The following CLTCL1 variants were observed in gnomAD, a reference collection of about 807,000 sequenced individuals.
The protein encoded by CLTCL1 is clathrin heavy chain like 1, also known as clathrin heavy chain 2.
CLTCL1 carries 159 observed loss-of-function variants against 190.0 expected under a neutral mutation model. The ratio of observed to expected loss-of-function variants is 0.84; its 90% CI spans 0.74 to 0.95. The LOEUF is 0.95. Among genes scored for constraint, CLTCL1 ranks in the 40% least tolerant of loss-of-function variants. CLTCL1 has a pLI of 0.00. For synonymous variants in CLTCL1, 752 were observed against 769.6 expected (o/e 0.98, Z 0.38); for missense variants, 1,878 against 2,033.4 (o/e 0.92, Z 1.47).
At chr22:19,220,929 G>A (rs1196215874) in intron 17 of CLTCL1, among the ~76,000 whole-genome samples, 1 of 152,192 alleles carries the variant, frequency 6.6e-6, no homozygotes, top group East Asian at 1.9e-4. Context: ...TGATGGGGAA[G>A]GGCTTGTGTA....
chr22:19,281,003 G>C (rs1163860581), intron 1 of CLTCL1, among the ~76,000 whole-genome samples: 1 of 151,274 alleles, frequency 6.6e-6, no homozygotes, highest in African/African-American at 2.4e-5. Context: ...GATGAAAAGA[G>C]TTGTGGGCCG....
At position 19,232,870 on chromosome 22, in the gene CLTCL1, G is replaced by A. The variant is rs567105013; in HGVS notation, c.1522-272C>T. 6.2e-5 allele frequency: 35 copies of A among 564,006 alleles called. 1 individual carries two copies. In the East Asian group the frequency reaches 1.1e-3, roughly 17 times the overall value. 34.9% of individuals were successfully genotyped at this position (564,006 alleles called of 1,614,324 possible). A position where few individuals can be genotyped will look rare whatever the true frequency, so the allele number is the denominator to read the frequency against. On this transcript the variant is annotated intron_variant, in intron 9 of 32. Coordinates refer to ENST00000427926, the MANE Select transcript of CLTCL1 (RefSeq NM_007098.4). ...CACAGCCTGCCAGTAAGCACACAGG[G>A]ATAAGATCTGGGAGTCTGCCAAAAT...
At chr22:19,186,026 G>A (rs911789345) in intron 29 of CLTCL1, among the ~76,000 whole-genome samples, 13 of 152,322 alleles carry the variant, frequency 8.5e-5, no homozygotes, top group African/African-American at 2.9e-4. Flanking sequence ...TCACAGAACA[G>A]TCCAGAACAC....
intron 30 of CLTCL1, chr22:19,181,257 G>A (rs2084128126): frequency 6.0e-6 from 1 of 165,500 alleles, no homozygotes; most frequent in Admixed American, 5.9e-5. Flanking sequence ...GTGGCTCTCA[G>A]AGACAAGTCA....
In CLTCL1 at chr22:19,209,074, T is replaced by C; in HGVS notation, c.3290A>G (p.Glu1097Gly). 6.2e-7 allele frequency: 1 copy of C among 1,608,820 alleles called. No homozygotes were observed. Among genetic ancestry groups the C allele is most frequent in the South Asian group, 1.1e-5 (1 of 89,942 alleles). Residue 1097 changes from glutamate (E) to glycine (G), a missense_variant, in exon 21 of 33, where the codon GAG (glutamate) becomes GGG (glycine). Physicochemically the swap from Glu to Gly is moderately conservative, Grantham distance 98. Transcript: ENST00000427926. ...EHIGNLDRAYEFAERCNEPAV... is the reference protein window; with the variant it reads ...EHIGNLDRAYGFAERCNEPAV... ...AGGCTCATTGCATCTCTCCGCAAAC[T>C]CATATGCCCGGTCCAGGTTTCCAAT...
Position 19,191,423 on chromosome 22 carries a change from C to A in CLTCL1, c.4204G>T (p.Glu1402Ter). ...AACTGCAGGGCTCTGTAACAGAGCT[C>A]GACGTTGGCAACCTGTGGTGAGCAA... ...KDIITKVANV[E>*]LCYRALQFYL... The change falls in exon 27 of 33, where the codon GAG becomes TAG. Residue 1402 changes from glutamate to a stop codon, truncating the protein, a stop_gained. Coordinates refer to ENST00000427926, the MANE Select transcript of CLTCL1 (RefSeq NM_007098.4). LOFTEE classifies it high-confidence loss of function. 6.2e-7 allele frequency: 1 copy of A among 1,613,528 alleles called. No homozygotes were observed. Among genetic ancestry groups the A allele is most frequent in the East Asian group, 2.2e-5 (1 of 44,882 alleles).
intron 26 of CLTCL1, 65 bp downstream of exon 26, chr22:19,196,201 C>T: frequency 6.5e-7 from 1 of 1,543,242 alleles, no homozygotes; most frequent in East Asian, 2.3e-5. Context: ...CCTGCCCATT[C>T]CCCTGCACCC....
chr22:19,186,365 G>A (rs1555928324), intron 29 of CLTCL1, among the ~76,000 whole-genome samples: 1 of 151,954 alleles, frequency 6.6e-6, no homozygotes, highest in Non-Finnish European at 1.5e-5. Context: ...CCAAGCAGAG[G>A]ATGTTAATGC....
At chr22:19,233,097 T>G in intron 9 of CLTCL1, 69 bp downstream of exon 9, 1 of 1,530,420 alleles carries the variant, frequency 6.5e-7, no homozygotes, top group Non-Finnish European at 8.9e-7. Flanking sequence ...TTTTATAAAC[T>G]TTAAAATCAG....
intron 11 of CLTCL1, among the ~76,000 whole-genome samples, chr22:19,226,770 C>T (rs2085760315): frequency 6.6e-6 from 1 of 152,022 alleles, no homozygotes; most frequent in African/African-American, 2.4e-5. Flanking sequence ...CAGAGTCTCA[C>T]TCCATCACTC....
intron 3 of CLTCL1, among the ~76,000 whole-genome samples, chr22:19,246,470 C>A (rs1424053433): frequency 2.0e-5 from 3 of 151,536 alleles, no homozygotes; most frequent in African/African-American, 7.3e-5. Flanking sequence ...ACATTGCCAA[C>A]ACTTCTTTTC....
In CLTCL1 at chr22:19,248,307, A is replaced by C. The variant is rs117380322; in HGVS notation, c.520-5371T>G. On this transcript the variant is annotated intron_variant, in intron 3 of 32. Transcript: ENST00000427926. ...AGCAAAACTCGGTCTCAAAAAAAAA[A>C]AATTATGAATTTTTTTGCAATTTTT... 2.8e-4 allele frequency among the ~76,000 whole-genome samples: 43 copies of C among 152,208 alleles called. No homozygotes were observed. The East Asian group carries it at 6.8e-3, about 24-fold the overall frequency.
Position 19,199,646 on chromosome 22 carries a change from T to C in CLTCL1, c.3873+88A>G. On this transcript the variant is annotated intron_variant, in intron 24 of 32. Coordinates refer to ENST00000427926, the MANE Select transcript of CLTCL1 (RefSeq NM_007098.4). ...ATTTGCAGATGCAACACTGTGATGGTCACGAGCTAAGGGGATGACCGTGCC... is the reference window on the plus strand; with the variant it reads ...ATTTGCAGATGCAACACTGTGATGGCCACGAGCTAAGGGGATGACCGTGCC... 3.2e-6 allele frequency: 3 copies of C among 939,686 alleles called. No homozygotes were observed. The East Asian group carries it at 8.1e-5, about 25-fold the overall frequency. The allele number at this position is 939,686 out of a possible 1,614,324, so 58.2% of individuals were successfully genotyped here.
At chr22:19,187,873 G>C (rs1208325581) in intron 28 of CLTCL1, 108 bp downstream of exon 28, 1 of 1,341,012 alleles carries the variant, frequency 7.5e-7, no homozygotes, top group Non-Finnish European at 1.1e-6. Context: ...GTGTCCTGTG[G>C]GGCCTGCACA....
chr22:19,281,983 T>C (rs542814932), intron 1 of CLTCL1, among the ~76,000 whole-genome samples: 1 of 152,184 alleles, frequency 6.6e-6, no homozygotes, highest in African/African-American at 2.4e-5. Flanking sequence ...TAGAATCAGA[T>C]TAAATTAAGA....
intron 18 of CLTCL1, among the ~76,000 whole-genome samples, chr22:19,217,771 C>T (rs2085435523): frequency 1.3e-5 from 2 of 150,998 alleles, no homozygotes; most frequent in African/African-American, 4.9e-5. Flanking sequence ...TCACTTGAAC[C>T]TGGGAAGTGG....
Position 19,209,989 on chromosome 22 carries a change from T to C in CLTCL1, c.3249+337A>G, listed in dbSNP as rs117086596. Among the ~76,000 whole-genome samples, 194 of 151,978 alleles carry C rather than the reference T, an allele frequency of 1.3e-3. 3 individuals are homozygous for C. In the East Asian group the frequency reaches 0.033, roughly 26 times the overall value. Reference sequence around the variant, plus strand: ...GTGCAGAGGGCTGGAATGGTTGTCATTGAGGGTAAGATGTGAGTGCCTCTG... The same window carrying C: ...GTGCAGAGGGCTGGAATGGTTGTCACTGAGGGTAAGATGTGAGTGCCTCTG... On this transcript the variant is annotated intron_variant, in intron 20 of 32. Coordinates refer to ENST00000427926, the MANE Select transcript of CLTCL1 (RefSeq NM_007098.4).
rs376018262 is a variant in CLTCL1, at chr22:19,276,218, C to A, written c.43-388G>T. ...GAAGGAGGTCTTGGAGAGGTGAAGG[C>A]GAGGGAAGTGGAAGGGAAAAAGGGA... On this transcript the variant is annotated intron_variant, in intron 1 of 32. Coordinates refer to ENST00000427926, the MANE Select transcript of CLTCL1 (RefSeq NM_007098.4). Among the ~76,000 whole-genome samples, 3 of 151,862 alleles carry A rather than the reference C, an allele frequency of 2.0e-5. No individual in the cohort carries two copies. The East Asian group carries it at 5.8e-4, about 29-fold the overall frequency.
In CLTCL1 at chr22:19,254,106, C is replaced by G; in HGVS notation, c.372G>C (p.Glu124Asp). The G allele has an allele frequency of 6.2e-7, 1 of 1,613,326 alleles. No individual in the cohort carries two copies. The highest frequency in any genetic ancestry group is 2.2e-5 in the East Asian group (1 of 44,876). Residue 124 changes from glutamate to aspartate, a missense_variant, in exon 3 of 33, where the codon GAG becomes GAC. Transcript: ENST00000427926. ...CCATGCTCCAGTGGTAGACCGCGGT[C>G]TCGGTCACCAAGGCAACAGTGTTCA... ...VSVNTVALVT[E>D]TAVYHWSMEG...
Sources: gnomAD v4.1 joint callset for allele counts (sites outside exome capture counted in the v4.1 genomes callset) on GRCh38, gnomAD v4.1.1 for gene constraint, MANE v1.5 for transcripts, NCBI Gene and HGNC (gene_info 2026-07-23, HGNC 2026-07-21) for gene names.